The following PRP4K variants were observed in gnomAD, a reference collection of about 807,000 sequenced individuals.
The protein encoded by PRP4K is pre-mRNA processing factor kinase PRP4K.
the PRP4K span, among the ~76,000 whole-genome samples, chr6:4,026,907 G>A: frequency 6.6e-6 from 1 of 152,154 alleles, no homozygotes; most frequent in African/African-American, 2.4e-5. Context: ...GTAGGCCAAG[G>A]TAGCCAGGAA....
the PRP4K span, chr6:4,056,396 C>A: frequency 6.2e-7 from 1 of 1,614,000 alleles, no homozygotes; most frequent in Non-Finnish European, 8.5e-7. Context: ...TGACATAACA[C>A]CTTATCTTGT....
At chr6:4,039,642 G>A in the PRP4K span, among the ~76,000 whole-genome samples, 1 of 152,088 alleles carries the variant, frequency 6.6e-6, no homozygotes, top group South Asian at 2.1e-4. Context: ...CAATTCCTGA[G>A]GCTTTCTGGG....
the PRP4K span, chr6:4,047,284 A>G: frequency 6.7e-7 from 1 of 1,490,124 alleles, no homozygotes. Context: ...AAACAAAAAA[A>G]AATAACAAAT....
chr6:4,027,597 G>GC, the PRP4K span, among the ~76,000 whole-genome samples: 30 of 118,366 alleles, frequency 2.5e-4, 1 homozygote, highest in African/African-American at 8.9e-4. Context: ...TTTGGCGGAG[G>GC]GGTGGGGGGG....
the PRP4K span, chr6:4,047,277 C>G: frequency 1.0e-5 from 15 of 1,492,114 alleles, no homozygotes; most frequent in South Asian, 1.8e-4. Context: ...AGTGTTAAAA[C>G]AAAAAAAAAT....
At chr6:4,033,751 G>T in the PRP4K span, among the ~76,000 whole-genome samples, 1 of 152,170 alleles carries the variant, frequency 6.6e-6, no homozygotes, top group Admixed American at 6.5e-5. Flanking sequence ...TATTTTCAGA[G>T]AAATTTCAAA....
chr6:4,058,899 A>T, the PRP4K span: 1 of 1,096,290 alleles, frequency 9.1e-7, no homozygotes, highest in Non-Finnish European at 1.3e-6. Context: ...TAAAAAAAAA[A>T]CAAAAACCCA....
the PRP4K span, chr6:4,037,372 T>C: frequency 2.9e-4 from 438 of 1,527,208 alleles, 2 homozygotes; most frequent in South Asian, 5.3e-3. Flanking sequence ...TATATTTCTT[T>C]TAACTTGCAT....
the PRP4K span, among the ~76,000 whole-genome samples, chr6:4,054,454 A>G: frequency 6.4e-5 from 6 of 93,766 alleles, no homozygotes; most frequent in African/African-American, 1.7e-4. Context: ...TTGAAATGGT[A>G]GGTACATTAA....
the PRP4K span, among the ~76,000 whole-genome samples, chr6:4,028,830 A>G: frequency 3.0e-4 from 45 of 151,520 alleles, no homozygotes; most frequent in Non-Finnish European, 4.7e-4. Flanking sequence ...TCATACCGCC[A>G]TTCTCTCTCC....
chr6:4,064,924 G>A, the PRP4K span: 28 of 152,678 alleles, frequency 1.8e-4, no homozygotes, highest in Admixed American at 2.0e-4. Context: ...TTGCATTTTA[G>A]CAGTGCATGT....
the PRP4K span, chr6:4,049,672 C>T: frequency 6.6e-7 from 1 of 1,504,030 alleles, no homozygotes; most frequent in Non-Finnish European, 9.1e-7. Flanking sequence ...CACTGTGTTT[C>T]CTACTTTCTG....
chr6:4,035,573 T>C, the PRP4K span, among the ~76,000 whole-genome samples: 1 of 152,264 alleles, frequency 6.6e-6, no homozygotes, highest in Non-Finnish European at 1.5e-5. Flanking sequence ...CAGATCTGAA[T>C]CAAAGTCTAC....
At chr6:4,036,878 A>AG in the PRP4K span, among the ~76,000 whole-genome samples, 18 of 150,916 alleles carry the variant, frequency 1.2e-4, no homozygotes, top group Admixed American at 4.0e-4. Flanking sequence ...CCAGCTGCTC[A>AG]GGGGGGCTGA....
chr6:4,053,332 G>GTTTAT, the PRP4K span, among the ~76,000 whole-genome samples: 12 of 152,122 alleles, frequency 7.9e-5, no homozygotes, highest in African/African-American at 1.2e-4. Flanking sequence ...CGCTTTTGAA[G>GTTTAT]TTTATTTTAT....
At chr6:4,041,423 C>A in the PRP4K span, among the ~76,000 whole-genome samples, 1 of 152,110 alleles carries the variant, frequency 6.6e-6, no homozygotes, top group Non-Finnish European at 1.5e-5. Flanking sequence ...ATTAGCCAGG[C>A]CTGGTGGCAC....
the PRP4K span, among the ~76,000 whole-genome samples, chr6:4,026,088 G>A: frequency 6.5e-3 from 993 of 152,224 alleles, 6 homozygotes; most frequent in Non-Finnish European, 8.8e-3. Flanking sequence ...CACAACCTCC[G>A]CCTCCTGGGT....
chr6:4,048,358 G>A, the PRP4K span, among the ~76,000 whole-genome samples: 1 of 129,822 alleles, frequency 7.7e-6, no homozygotes, highest in Non-Finnish European at 1.6e-5. Context: ...CAGCCTGGGC[G>A]ACAAAGCAAG....
the PRP4K span, among the ~76,000 whole-genome samples, chr6:4,044,916 G>A: frequency 6.7e-6 from 1 of 149,358 alleles, no homozygotes; most frequent in Admixed American, 6.7e-5. Flanking sequence ...AGGCTGGAGT[G>A]CAGTGGCGCG....
Sources: gnomAD v4.1 joint callset for allele counts (sites outside exome capture counted in the v4.1 genomes callset) on GRCh38, gnomAD v4.1.1 for gene constraint, MANE v1.5 for transcripts, NCBI Gene and HGNC (gene_info 2026-07-23, HGNC 2026-07-21) for gene names.